KLB: variants seen among roughly 807,000 people sequenced by gnomAD.
The protein encoded by KLB is beta-klotho.
KLB carries 44 observed loss-of-function variants against 88.4 expected under a neutral mutation model. The observed-to-expected ratio is 0.50, with a 90% CI of 0.39 to 0.64. The LOEUF (loss-of-function observed/expected upper bound fraction) is 0.64. Ranked by LOEUF, KLB falls within the 30% of genes least tolerant of loss-of-function variation. The pLI is 0.00. For missense variants in KLB, 1,137 were observed against 1,304.8 expected (o/e 0.87, Z 1.98); for synonymous variants, 548 against 513.4 (o/e 1.07, Z -0.91).
chr4:39,442,769 G>A (rs1025962892), intron 3 of KLB, among the ~76,000 whole-genome samples: 3 of 152,032 alleles, frequency 2.0e-5, no homozygotes, highest in Non-Finnish European at 2.9e-5. Flanking sequence ...GATAAATTGC[G>A]GACATCATTA....
At chr4:39,419,238 G>A (rs183106735) in intron 1 of KLB, among the ~76,000 whole-genome samples, 1 of 152,046 alleles carries the variant, frequency 6.6e-6, no homozygotes, top group Non-Finnish European at 1.5e-5. Context: ...TTAAATAAAC[G>A]TAATTATAAA....
At chr4:39,445,574 G>A (rs1004229526) in intron 3 of KLB, among the ~76,000 whole-genome samples, 12 of 147,726 alleles carry the variant, frequency 8.1e-5, no homozygotes, top group Non-Finnish European at 3.0e-5. Flanking sequence ...GCATGATCTC[G>A]GCTCACTGCA....
chr4:39,444,592 TA>T (rs1743694293), intron 3 of KLB, among the ~76,000 whole-genome samples: 1 of 152,222 alleles, frequency 6.6e-6, no homozygotes, highest in Non-Finnish European at 1.5e-5. Context: ...CTTAGCAGAC[TA>T]ATCATACACA....
At chr4:39,427,681 A>G (rs923403008) in intron 1 of KLB, among the ~76,000 whole-genome samples, 1 of 152,170 alleles carries the variant, frequency 6.6e-6, no homozygotes, top group Admixed American at 6.6e-5. Flanking sequence ...AACACTCTTC[A>G]CGTCCACACA....
At position 39,448,499 on chromosome 4, in the gene KLB, C is replaced by G. The variant is rs749646287; in HGVS notation, c.2948C>G (p.Thr983Arg). 14 of 1,614,120 alleles carry G rather than the reference C, an allele frequency of 8.7e-6. No homozygotes were observed. The highest frequency in any genetic ancestry group is 1.1e-5 in the Non-Finnish European group (13 of 1,179,954). ...SSRCSQTQEN[T>R]ECTVCLFLVQ... ...AGATGCAGTCAGACCCAAGAAAATA[C>G]AGAGTGCACTGTCTGCTTATTCCTT... The change falls in exon 5 of 5, where the codon ACA becomes AGA. Residue 983 changes from threonine to arginine, a missense_variant. This residue lies in a region of KLB where 426 missense variants were observed against 404.6 expected (regional missense o/e 1.05). Coordinates refer to ENST00000257408, the MANE Select transcript of KLB (RefSeq NM_175737.4).
chr4:39,417,525 C>T (rs570023384), intron 1 of KLB, among the ~76,000 whole-genome samples: 1 of 152,234 alleles, frequency 6.6e-6, no homozygotes, highest in African/African-American at 2.4e-5. Flanking sequence ...GTTGGTCAGA[C>T]TGGTCTTGAA....
Position 39,414,871 on chromosome 4 carries a change from GAAAAAA to G in KLB, c.825+7111_825+7116del, listed in dbSNP as rs1009834880. The stretch of plus-strand genomic sequence containing the variant: ...GTAACAGAGCAAGACTCTGTCTCAG[GAAAAAA>G]AAAAAAAAAAAAAGCAAAATTCAAC... On this transcript the variant is annotated intron_variant, in intron 1 of 4. Transcript: ENST00000257408. 2.2e-4 allele frequency among the ~76,000 whole-genome samples: 11 copies of G among 50,294 alleles called. No individual in the cohort carries two copies. The South Asian group carries it at 7.2e-3, about 33-fold the overall frequency. The allele number at this position is 50,294 out of a possible 152,430, so 33.0% of individuals were successfully genotyped here.
intron 3 of KLB, among the ~76,000 whole-genome samples, chr4:39,442,436 T>G (rs59159995): frequency 2.3e-5 from 2 of 88,398 alleles, no homozygotes; most frequent in Admixed American, 1.2e-4. Flanking sequence ...CTCTCTCCCC[T>G]TTTTTTTTTT....
rs1358019192 is a variant in KLB at position 39,450,440 on chromosome 4, CA to C, written c.*1758del. The stretch of plus-strand genomic sequence containing the variant: ...ATCTAACTGCTAATGAACAAGTTTC[CA>C]AAATACTGTAAAAATACAATTAGTC... On this transcript the variant is annotated 3_prime_UTR_variant, in exon 5 of 5. Transcript: ENST00000257408. 6.6e-6 allele frequency: 1 copy of C among 152,092 alleles called. No homozygotes were observed. The highest frequency in any genetic ancestry group is 2.4e-5 in the African/African-American group (1 of 41,402). 9.4% of individuals were successfully genotyped at this position (152,092 alleles called of 1,614,324 possible).
intron 3 of KLB, among the ~76,000 whole-genome samples, chr4:39,440,702 C>T (rs552208596): frequency 1.3e-5 from 2 of 151,814 alleles, no homozygotes; most frequent in East Asian, 1.9e-4. Context: ...GGATTACAGG[C>T]GCCTGCCACC....
At position 39,447,253 on chromosome 4, in the gene KLB, T is replaced by C. The variant is rs141659232; in HGVS notation, c.2527T>C (p.Ser843Pro). Residue 843 changes from serine (S) to proline (P), a missense_variant, in exon 4 of 5, where the codon TCG becomes CCG. Coordinates refer to ENST00000257408, the MANE Select transcript of KLB (RefSeq NM_175737.4). ...GCAGCTGGCCGGCAGCCGCTACGAC[T>C]CGGACAGGGACATCCAGTTTCTGCA... ...HEQLAGSRYD[S>P]DRDIQFLQDI... The C allele has an allele frequency of 2.4e-4, 393 of 1,613,978 alleles. No homozygotes were observed. The highest frequency in any genetic ancestry group is 2.8e-4 in the Non-Finnish European group (326 of 1,180,054).
At position 39,448,718 on chromosome 4, in the gene KLB, A is replaced by T. The variant is rs1232457537; in HGVS notation, c.*32A>T. 2 of 1,575,062 alleles carry T rather than the reference A, an allele frequency of 1.3e-6. No homozygotes were observed. Among genetic ancestry groups the T allele is most frequent in the Non-Finnish European group, 1.7e-6 (2 of 1,165,732 alleles). ...CTGTCTGCATGATAGACAGTTTAAA[A>T]ATTCATCCCAGTTCCATATGCTGGT... On this transcript the variant is annotated 3_prime_UTR_variant, in exon 5 of 5. Coordinates refer to ENST00000257408, the MANE Select transcript of KLB (RefSeq NM_175737.4).
rs141576281 is a variant in KLB, at chr4:39,434,531, A to G, written c.1147A>G (p.Asn383Asp). The G allele has an allele frequency of 1.2e-6, 2 of 1,614,056 alleles. No homozygotes were observed. Among genetic ancestry groups the G allele is most frequent in the African/African-American group, 2.7e-5 (2 of 74,926 alleles). The change falls in exon 2 of 5, where the codon AAC (asparagine) becomes GAC (aspartate). Residue 383 changes from asparagine to aspartate, a missense_variant. By Grantham distance (23) the Asn-to-Asp change is conservative. Transcript: ENST00000257408. Reference sequence around the variant, plus strand: ...TGGACCCAACAACTTCAAGCCCCTAAACACCATGGCTAAAATGGGACAAAA... The same window carrying G: ...TGGACCCAACAACTTCAAGCCCCTAGACACCATGGCTAAAATGGGACAAAA... ...SFGPNNFKPL[N>D]TMAKMGQNVS...
chr4:39,424,259 C>T (rs1462208320), intron 1 of KLB, among the ~76,000 whole-genome samples: 3 of 151,762 alleles, frequency 2.0e-5, no homozygotes, highest in East Asian at 1.9e-4. Context: ...TTTGTAGAGA[C>T]GAGGTTTTGC....
chr4:39,446,458 G>A lies in KLB; in HGVS notation c.1732G>A (p.Asp578Asn), dbSNP rs750723696. The A allele has an allele frequency of 3.1e-6, 5 of 1,614,098 alleles. No homozygotes were observed. In the African/African-American group the frequency reaches 6.7e-5, roughly 22 times the overall value. The part of the protein sequence containing the change: ...RLKTRPAQCT[D>N]FVNIKKQLEM... ...GAAAACACGACCCGCTCAATGCACA[G>A]ATTTTGTAAACATCAAAAAACAACT... The change falls in exon 4 of 5, where the codon GAT (aspartate) becomes AAT (asparagine). Residue 578 changes from aspartate to asparagine, a missense_variant. Coordinates refer to ENST00000257408, the MANE Select transcript of KLB (RefSeq NM_175737.4). The surrounding 1 kb of genome is among the most constrained non-coding windows in gnomAD (Gnocchi z 6.4).
rs377653297 is a variant in KLB at position 39,419,678 on chromosome 4, A to C, written c.825+11904A>C. Among the ~76,000 whole-genome samples, 73 of 150,416 alleles carry C rather than the reference A, an allele frequency of 4.9e-4. No homozygotes were observed. In the East Asian group the frequency reaches 0.011, roughly 23 times the overall value. On this transcript the variant is annotated intron_variant, in intron 1 of 4. Transcript: ENST00000257408. ...GTAATCCCAGCTACTCGGGAGGCTG[A>C]GGCTGGAGAATTGTCTGAGCCCAGA...
intron 1 of KLB, among the ~76,000 whole-genome samples, chr4:39,417,298 G>C (rs948518652): frequency 3.3e-5 from 5 of 151,090 alleles, no homozygotes; most frequent in African/African-American, 1.2e-4. Context: ...CATCAAAAAA[G>C]TGGTTTTTTG....
chr4:39,447,224 A>G lies in KLB; in HGVS notation c.2498A>G (p.His833Arg). ...LNHFTTRFVM[H>R]EQLAGSRYDS... ...CACTTCACCACTAGGTTCGTGATGC[A>G]CGAGCAGCTGGCCGGCAGCCGCTAC... Residue 833 changes from histidine (H) to arginine (R), a missense_variant, in exon 4 of 5, where the codon CAC becomes CGC. Transcript: ENST00000257408. 2 of 1,614,046 alleles carry G rather than the reference A, an allele frequency of 1.2e-6. No individual in the cohort carries two copies. The highest frequency in any genetic ancestry group is 1.3e-5 in the African/African-American group (1 of 75,056).
chr4:39,423,679 G>A lies in KLB; in HGVS notation c.826-10531G>A, dbSNP rs139979647. ...CAACAAACTAGCTGATCCATAATAG[G>A]CATTCATTCAACAAATATTCTAGGC... On this transcript the variant is annotated intron_variant, in intron 1 of 4. Transcript: ENST00000257408. Among the ~76,000 whole-genome samples, 1,001 of 151,756 alleles carry A rather than the reference G, an allele frequency of 6.6e-3. 11 individuals are homozygous for A. The highest frequency in any genetic ancestry group is 8.8e-3 in the Non-Finnish European group (599 of 68,012).
Sources: allele counts gnomAD v4.1 joint callset (sites outside exome capture counted in the v4.1 genomes callset), GRCh38; gene constraint gnomAD v4.1.1; regional missense constraint gnomAD v4.1.1; non-coding constraint Gnocchi (gnomAD v3.1); transcripts MANE v1.5; gene names NCBI Gene and HGNC (gene_info 2026-07-23, HGNC 2026-07-21).